The following ZNF385B variants were observed in gnomAD, a reference collection of about 807,000 sequenced individuals.
ZNF385B encodes the protein zinc finger protein 533.
Under a neutral mutation model 39.2 loss-of-function variants are expected in ZNF385B, and 23 were observed. The observed-to-expected ratio is 0.59, with a 90% CI of 0.42 to 0.83. The LOEUF (loss-of-function observed/expected upper bound fraction) is 0.83, where lower values mean the gene tolerates loss of function less well. ZNF385B is among the 40% of genes least tolerant of loss of function. ZNF385B has a pLI of 0.00. For missense variants in ZNF385B, 552 were observed against 598.9 expected (o/e 0.92, Z 0.82); for synonymous variants, 205 against 222.6 (o/e 0.92, Z 0.70).
Position 179,752,813 on chromosome 2 carries a change from T to A in ZNF385B, c.298+16690A>T, listed in dbSNP as rs181337188. Among the ~76,000 whole-genome samples, 15 of 152,136 alleles carry A rather than the reference T, an allele frequency of 9.9e-5. No homozygotes were observed. The East Asian group carries it at 2.9e-3, about 29-fold the overall frequency. On this transcript the variant is annotated intron_variant, in intron 3 of 9. Transcript: ENST00000410066. ...TTTCTTGTAAATTTGTTGGGAGTTC[T>A]TTGTAGATTCTGGATATTAGCCCTT...
intron 1 of ZNF385B, among the ~76,000 whole-genome samples, chr2:179,860,252 T>C (rs1209695654): frequency 6.6e-6 from 1 of 152,166 alleles, no homozygotes; most frequent in Admixed American, 6.5e-5. Context: ...AAAACTGCGT[T>C]ATTTTGTATT....
At chr2:179,550,277 G>A (rs2060485737) in intron 3 of ZNF385B, among the ~76,000 whole-genome samples, 1 of 149,502 alleles carries the variant, frequency 6.7e-6, no homozygotes, top group East Asian at 1.9e-4. Context: ...AGCCCACAAT[G>A]GTGGCTCTGA....
chr2:179,859,380 C>T (rs1013674099), intron 1 of ZNF385B, among the ~76,000 whole-genome samples: 1 of 152,072 alleles, frequency 6.6e-6, no homozygotes, highest in Non-Finnish European at 1.5e-5. Flanking sequence ...ATAGATGATA[C>T]TTAGTGGTTA....
chr2:179,518,380 T>G (rs2058237019), intron 5 of ZNF385B, 148 bp downstream of exon 5: 4 of 601,606 alleles, frequency 6.6e-6, no homozygotes, highest in African/African-American at 5.8e-5. Flanking sequence ...TGAACCCAAA[T>G]CCTTTGGAAA....
chr2:179,584,388 A>C lies in ZNF385B; in HGVS notation c.299-39419T>G, dbSNP rs907060126. Among the ~76,000 whole-genome samples the C allele has an allele frequency of 5.3e-5, 8 of 152,296 alleles. No individual in the cohort carries two copies. The East Asian group carries it at 1.2e-3, about 22-fold the overall frequency. On this transcript the variant is annotated intron_variant, in intron 3 of 9. Coordinates refer to ENST00000410066, the MANE Select transcript of ZNF385B (RefSeq NM_152520.6). ...TGCAATGCAGTATAAAATACTATAA[A>C]ATGACAAAAGAAAGACGGGCATCGA...
intron 3 of ZNF385B, among the ~76,000 whole-genome samples, chr2:179,627,332 G>A (rs972368044): frequency 2.0e-5 from 3 of 152,072 alleles, no homozygotes; most frequent in Admixed American, 1.3e-4. Context: ...GAGAAGAAAC[G>A]ATATTAGCAT....
intron 6 of ZNF385B, among the ~76,000 whole-genome samples, chr2:179,461,676 C>T (rs894320397): frequency 8.5e-5 from 13 of 152,100 alleles, no homozygotes; most frequent in African/African-American, 3.1e-4. Flanking sequence ...GTGATTGGGA[C>T]CTTAATGCTT....
In ZNF385B at chr2:179,552,473, GGGGAGGCAACATCAA is replaced by G. The variant is rs1268676277; in HGVS notation, c.299-7519_299-7505del. On this transcript the variant is annotated intron_variant, in intron 3 of 9. Transcript: ENST00000410066. ...CTTAACGTATTATAAAAACCTGTTA[GGGGAGGCAACATCAA>G]TTATAGAACTCCAAAAGATTTCTTT... Among the ~76,000 whole-genome samples, 3 of 149,216 alleles carry G rather than the reference GGGGAGGCAACATCAA, an allele frequency of 2.0e-5. 1 individual carries two copies. Among genetic ancestry groups the G allele is most frequent in the African/African-American group, 7.6e-5 (3 of 39,634 alleles).
At chr2:179,781,131 A>G (rs1704639827) in intron 1 of ZNF385B, among the ~76,000 whole-genome samples, 1 of 152,206 alleles carries the variant, frequency 6.6e-6, no homozygotes, top group Admixed American at 6.5e-5. Flanking sequence ...TACTTTTTGG[A>G]AACTGACAAC....
chr2:179,468,636 T>A (rs2052385321), intron 6 of ZNF385B, among the ~76,000 whole-genome samples: 1 of 152,190 alleles, frequency 6.6e-6, no homozygotes, highest in Non-Finnish European at 1.5e-5. Flanking sequence ...AACATTTGAA[T>A]TCGGGTCTCC....
At chr2:179,633,612 A>T (rs763146379) in intron 3 of ZNF385B, among the ~76,000 whole-genome samples, 1 of 152,206 alleles carries the variant, frequency 6.6e-6, no homozygotes, top group Non-Finnish European at 1.5e-5. Flanking sequence ...AATGGGCAAA[A>T]CCAGGAAGTA....
chr2:179,718,782 A>G (rs951694180), intron 3 of ZNF385B, among the ~76,000 whole-genome samples: 4 of 150,716 alleles, frequency 2.7e-5, no homozygotes, highest in African/African-American at 9.7e-5. Context: ...AGAAGAGGCT[A>G]GGAGTTCGAG....
intron 3 of ZNF385B, chr2:179,745,956 G>A: frequency 8.1e-7 from 1 of 1,230,804 alleles, no homozygotes; most frequent in African/African-American, 1.5e-5. Flanking sequence ...ACATTTTAGG[G>A]AAGGACAAGC....
In ZNF385B at chr2:179,739,918, T is replaced by C. The variant is rs139748474; in HGVS notation, c.298+29585A>G. The stretch of plus-strand genomic sequence containing the variant: ...AAATCACACAAAAGTAGCTACGTAC[T>C]TAAATTACACAAAATCCAAAAGCTC... On this transcript the variant is annotated intron_variant, in intron 3 of 9. Transcript: ENST00000410066. Among the ~76,000 whole-genome samples the C allele has an allele frequency of 7.3e-3, 1,118 of 152,238 alleles. 10 individuals carry two copies. Among genetic ancestry groups the C allele is most frequent in the African/African-American group, 0.025 (1,026 of 41,542 alleles).
intron 3 of ZNF385B, among the ~76,000 whole-genome samples, chr2:179,577,414 G>A (rs535357680): frequency 6.6e-6 from 1 of 152,170 alleles, no homozygotes; most frequent in African/African-American, 2.4e-5. Flanking sequence ...CTCTAATAGT[G>A]TATGCCAAAA....
At chr2:179,859,209 T>G (rs1684843824) in intron 1 of ZNF385B, among the ~76,000 whole-genome samples, 2 of 152,208 alleles carry the variant, frequency 1.3e-5, no homozygotes, top group East Asian at 3.8e-4. Flanking sequence ...TGACAGGTAC[T>G]AATGACAATT....
chr2:179,491,875 A>T (rs945164146), intron 5 of ZNF385B, among the ~76,000 whole-genome samples: 5 of 151,762 alleles, frequency 3.3e-5, no homozygotes, highest in Non-Finnish European at 7.4e-5. Context: ...TTTTTAAAAA[A>T]TTTTTTGGAG....
intron 6 of ZNF385B, among the ~76,000 whole-genome samples, chr2:179,482,295 G>T (rs2054086406): frequency 6.6e-6 from 1 of 152,304 alleles, no homozygotes; most frequent in South Asian, 2.1e-4. Context: ...AAGTAGAAAA[G>T]AATCAGAAAT....
At chr2:179,474,709 T>C (rs1192912927) in intron 6 of ZNF385B, among the ~76,000 whole-genome samples, 1 of 152,204 alleles carries the variant, frequency 6.6e-6, no homozygotes, top group Non-Finnish European at 1.5e-5. Context: ...TATAGGATAT[T>C]AGGTGCTGCA....
Sources: gnomAD v4.1 joint callset for allele counts (sites outside exome capture counted in the v4.1 genomes callset) on GRCh38, gnomAD v4.1.1 for gene constraint, MANE v1.5 for transcripts, NCBI Gene and HGNC (gene_info 2026-07-23, HGNC 2026-07-21) for gene names.